Variants in TBC1D4 observed in about 807,000 individuals in gnomAD.
TBC1D4 encodes the protein TBC (Tre-2, BUB2, CDC16) domain-containing protein.
TBC1D4 carries 121 observed loss-of-function variants against 142.5 expected under a neutral mutation model. The ratio of observed to expected loss-of-function variants is 0.85; its 90% CI spans 0.73 to 0.99. TBC1D4 has a LOEUF of 0.99. Among genes scored for constraint, TBC1D4 ranks in the 50% least tolerant of loss-of-function variants. TBC1D4 has a pLI of 0.00. For synonymous variants in TBC1D4, 630 were observed against 628.2 expected, an observed-to-expected ratio of 1.00 and a Z score of -0.04; for missense variants, 1,475 against 1,606.6, an observed-to-expected ratio of 0.92 and a Z score of 1.40.
At chr13:75,444,710 C>A (rs7989090) in intron 1 of TBC1D4, among the ~76,000 whole-genome samples, 3,388 of 152,188 alleles carry the variant, frequency 0.022, 144 homozygotes, top group African/African-American at 0.078. Flanking sequence ...AAAGACAATA[C>A]CCCTGGCTCT....
chr13:75,370,639 A>G (rs972004144), intron 1 of TBC1D4, among the ~76,000 whole-genome samples: 3 of 152,160 alleles, frequency 2.0e-5, no homozygotes, highest in Admixed American at 1.3e-4. Flanking sequence ...GAAAAAATGG[A>G]GCGACAATAG....
chr13:75,330,530 C>T (rs1291265798), intron 8 of TBC1D4, among the ~76,000 whole-genome samples: 2 of 152,114 alleles, frequency 1.3e-5, no homozygotes, highest in Non-Finnish European at 2.9e-5. Context: ...TTATTTAGCC[C>T]GTCTTCACAG....
chr13:75,438,050 C>G (rs1398647377), intron 1 of TBC1D4, among the ~76,000 whole-genome samples: 6 of 152,174 alleles, frequency 3.9e-5, no homozygotes, highest in Non-Finnish European at 7.3e-5. Flanking sequence ...TCCCATCACA[C>G]CACAATTTTC....
At chr13:75,316,414 A>C (rs1878322919) in intron 12 of TBC1D4, 2 of 152,340 alleles carry the variant, frequency 1.3e-5, no homozygotes, top group Admixed American at 1.3e-4. Flanking sequence ...ACTAGTAATA[A>C]GCCAAAAAAT....
chr13:75,390,784 G>A lies in TBC1D4; in HGVS notation c.499-28177C>T, dbSNP rs574215663. Among the ~76,000 whole-genome samples the A allele has an allele frequency of 3.3e-4, 45 of 134,734 alleles. 1 individual carries two copies. The South Asian group carries it at 9.7e-3, about 29-fold the overall frequency. The allele number at this position is 134,734 out of a possible 152,430, so 88.4% of individuals were successfully genotyped here. ...CTCATCTTTCTCTTCTATTTAGTGCGTGAAAATCATGTTGTATGTATAGGT... is the reference window on the plus strand; with the variant it reads ...CTCATCTTTCTCTTCTATTTAGTGCATGAAAATCATGTTGTATGTATAGGT... On this transcript the variant is annotated intron_variant, in intron 1 of 20. Transcript: ENST00000377636.
intron 18 of TBC1D4, among the ~76,000 whole-genome samples, chr13:75,293,941 AG>A (rs1053610112): frequency 3.7e-4 from 56 of 152,310 alleles, no homozygotes; most frequent in African/African-American, 1.3e-3. Flanking sequence ...TTTGACAAAA[AG>A]CTCCAATTTA....
rs116244982 is a variant in TBC1D4, at chr13:75,451,535, C to T, written c.498+29735G>A. Among the ~76,000 whole-genome samples the T allele has an allele frequency of 2.9e-3, 432 of 149,480 alleles. 2 individuals are homozygous for T. Among genetic ancestry groups the T allele is most frequent in the African/African-American group, 0.01 (418 of 40,968 alleles). On this transcript the variant is annotated intron_variant, in intron 1 of 20. Transcript: ENST00000377636. The stretch of plus-strand genomic sequence containing the variant: ...TCTCTACAAAATATAAAAAATGTAG[C>T]CAGGCATGGTGGTGCAAGCCTGTGG...
intron 15 of TBC1D4, among the ~76,000 whole-genome samples, chr13:75,305,220 G>A (rs925948159): frequency 6.6e-5 from 10 of 152,304 alleles, no homozygotes; most frequent in South Asian, 6.2e-4. Context: ...CCCCAGACAC[G>A]TGGAACTGTG....
At chr13:75,309,187 A>AT (rs987722270) in intron 14 of TBC1D4, among the ~76,000 whole-genome samples, 3 of 152,214 alleles carry the variant, frequency 2.0e-5, no homozygotes, top group African/African-American at 4.8e-5. Context: ...AAATTTATAC[A>AT]TTTTTTTGGA....
chr13:75,396,175 C>T (rs192211240), intron 1 of TBC1D4, among the ~76,000 whole-genome samples: 4 of 152,266 alleles, frequency 2.6e-5, no homozygotes, highest in East Asian at 3.9e-4. Flanking sequence ...TCTCAACAGA[C>T]GTAGAAAAAA....
chr13:75,380,536 GA>G (rs746075046), intron 1 of TBC1D4, among the ~76,000 whole-genome samples: 1 of 112,580 alleles, frequency 8.9e-6, no homozygotes, highest in African/African-American at 2.8e-5. Context: ...AACTAGATAA[GA>G]TTTTTTTTTT....
chr13:75,452,225 T>C (rs1293851322), intron 1 of TBC1D4, among the ~76,000 whole-genome samples: 1 of 152,194 alleles, frequency 6.6e-6, no homozygotes, highest in African/African-American at 2.4e-5. Context: ...TCAGTAAATG[T>C]TACTGTCTGC....
intron 1 of TBC1D4, chr13:75,375,474 T>C (rs1883446495): frequency 6.6e-6 from 1 of 152,218 alleles, no homozygotes; most frequent in Non-Finnish European, 1.5e-5. Flanking sequence ...TGGGATTGGG[T>C]TCATCTGCAA....
chr13:75,397,397 G>A (rs908669329), intron 1 of TBC1D4, among the ~76,000 whole-genome samples: 6 of 152,160 alleles, frequency 3.9e-5, no homozygotes, highest in African/African-American at 1.2e-4. Flanking sequence ...CTATAAAGTG[G>A]AAGCAGAGGA....
At chr13:75,372,127 G>A (rs1277043180) in intron 1 of TBC1D4, among the ~76,000 whole-genome samples, 2 of 152,028 alleles carry the variant, frequency 1.3e-5, no homozygotes, top group African/African-American at 4.8e-5. Context: ...AATAAAGAAC[G>A]TTCTTTATTT....
intron 1 of TBC1D4, among the ~76,000 whole-genome samples, chr13:75,439,628 AAC>A (rs1266559220): frequency 2.0e-4 from 30 of 152,248 alleles, no homozygotes; most frequent in African/African-American, 6.5e-4. Flanking sequence ...TGTTTAGAAA[AAC>A]TGGCAAGGTT....
intron 1 of TBC1D4, among the ~76,000 whole-genome samples, chr13:75,463,710 G>T (rs1439795592): frequency 3.3e-5 from 5 of 152,072 alleles, no homozygotes; most frequent in Non-Finnish European, 7.4e-5. Flanking sequence ...GGTATCTTAG[G>T]TCAGAAAAAG....
Position 75,324,340 on chromosome 13 carries a change from G to T in TBC1D4, c.2095C>A (p.Leu699Ile). The T allele has an allele frequency of 6.2e-7, 1 of 1,614,010 alleles. No homozygotes were observed. The highest frequency in any genetic ancestry group is 8.5e-7 in the Non-Finnish European group (1 of 1,179,908). The change falls in exon 11 of 21, where the codon CTT (leucine) becomes ATT (isoleucine). Residue 699 changes from leucine to isoleucine, a missense_variant. By Grantham distance (5) the Leu-to-Ile change is conservative. Around this residue, in one of 2 missense-constraint regions of TBC1D4, gnomAD observed 1,227 missense variants for 1,267.7 expected, o/e 0.97. Coordinates refer to ENST00000377636, the MANE Select transcript of TBC1D4 (RefSeq NM_014832.5). ...GAAGGGGCAGAGAAGGAAGTGTGAA[G>T]ACTTGGAAGACTGGAGGAAGAATTA... ...ESNSSSSLPS[L>I]HTSFSAPSFT...
At chr13:75,457,887 C>T (rs1225953768) in intron 1 of TBC1D4, among the ~76,000 whole-genome samples, 2 of 152,178 alleles carry the variant, frequency 1.3e-5, no homozygotes, top group Non-Finnish European at 2.9e-5. Flanking sequence ...GCTAGGTCAG[C>T]CCTGTTGCTC....
Sources: allele counts gnomAD v4.1 joint callset (sites outside exome capture counted in the v4.1 genomes callset), GRCh38; gene constraint gnomAD v4.1.1; regional missense constraint gnomAD v4.1.1; transcripts MANE v1.5; gene names NCBI Gene and HGNC (gene_info 2026-07-23, HGNC 2026-07-21).